The following MKNK1 variants were observed in gnomAD, a reference collection of about 807,000 sequenced individuals.
The protein encoded by MKNK1 is MAP kinase-interacting serine/threonine-protein kinase 1.
Under a neutral mutation model 49.3 loss-of-function variants are expected in MKNK1, and 30 were observed. That is an observed-to-expected ratio of 0.61 (90% CI 0.46 to 0.83). The LOEUF (loss-of-function observed/expected upper bound fraction) is 0.83. Ranked by LOEUF, MKNK1 falls within the 40% of genes least tolerant of loss-of-function variation. The pLI is 0.00. For missense variants in MKNK1, 423 were observed against 524.7 expected (o/e 0.81, Z 1.89); for synonymous variants, 176 against 201.7 (o/e 0.87, Z 1.08).
rs116999149 is a variant in MKNK1 at position 46,559,338 on chromosome 1, C to T, written c.1014-538G>A. 1.2e-3 allele frequency among the ~76,000 whole-genome samples: 190 copies of T among 152,340 alleles called. 2 individuals are homozygous for T. The East Asian group carries it at 0.029, about 23-fold the overall frequency. On this transcript the variant is annotated intron_variant, in intron 12 of 12. Transcript: ENST00000371945. ...GGTAGGAACCCAAATTGGGCAATAG[C>T]AACTGGGTCACACGAATTGCGATTA... is the stretch of plus-strand genomic sequence containing the variant.
chr1:46,604,246 G>C lies in MKNK1; in HGVS notation c.-232C>G, dbSNP rs1210979763. ...CCCTACCTGCAGATCGCTCCTCCGA[G>C]AACGCGGAAGAGGCGGTGCTAGATC... On this transcript the variant is annotated 5_prime_UTR_variant, in exon 1 of 13. Coordinates refer to ENST00000371945, the MANE Select transcript of MKNK1 (RefSeq NM_001135553.4). 6.6e-6 allele frequency: 1 copy of C among 152,254 alleles called. No homozygotes were observed. The highest frequency in any genetic ancestry group is 1.5e-5 in the Non-Finnish European group (1 of 68,058). 9.4% of individuals were successfully genotyped at this position (152,254 alleles called of 1,614,324 possible).
At chr1:46,561,800 C>T in intron 10 of MKNK1, 158 bp from the exon 11 acceptor site, 3 of 732,312 alleles carry the variant, frequency 4.1e-6, no homozygotes, top group Non-Finnish European at 6.6e-6. Context: ...ACTCACCCCG[C>T]ACTGTCCCCT....
At chr1:46,565,316 T>G in intron 8 of MKNK1, 180 bp from the exon 9 acceptor site, 1 of 619,534 alleles carries the variant, frequency 1.6e-6, no homozygotes, top group Non-Finnish European at 2.9e-6. Context: ...CCAAGTGTCT[T>G]ATTCCCTGAG....
chr1:46,584,314 T>C (rs1672181515), intron 2 of MKNK1, among the ~76,000 whole-genome samples: 1 of 152,154 alleles, frequency 6.6e-6, no homozygotes, highest in Non-Finnish European at 1.5e-5. Context: ...TTTAATACTC[T>C]TTGCCTGCAG....
intron 1 of MKNK1, among the ~76,000 whole-genome samples, chr1:46,602,829 C>A (rs1450914842): frequency 6.6e-6 from 1 of 152,124 alleles, no homozygotes; most frequent in Non-Finnish European, 1.5e-5. Context: ...CACAAGGGCA[C>A]CCATGAAGAG....
intron 5 of MKNK1, chr1:46,575,928 A>G (rs951370139): frequency 1.3e-5 from 2 of 151,648 alleles, no homozygotes; most frequent in African/African-American, 4.9e-5. Context: ...CCGTCCTCCA[A>G]TCCTCCAAGC....
intron 1 of MKNK1, among the ~76,000 whole-genome samples, chr1:46,595,410 C>G (rs1047777493): frequency 6.6e-6 from 1 of 151,974 alleles, no homozygotes; most frequent in African/African-American, 2.4e-5. Context: ...TTGTGCCCAA[C>G]CCCCACCCAC....
intron 1 of MKNK1, among the ~76,000 whole-genome samples, chr1:46,594,618 G>A (rs1673808396): frequency 6.6e-6 from 1 of 152,180 alleles, no homozygotes; most frequent in African/African-American, 2.4e-5. Flanking sequence ...TTTCCATTAT[G>A]GGATTCCAGA....
chr1:46,572,164 G>A lies in MKNK1; in HGVS notation c.356C>T (p.Ser119Phe). ...YLVFEKLQGG[S>F]ILAHIQKQKH... ...TTGCTTCTGGATGTGGGCTAAGATG[G>A]AACCTGGGGAGCAGAGGGGACATAG... The change falls in exon 7 of 13, where the codon TCC becomes TTC. Residue 119 changes from serine (S) to phenylalanine (F), a missense_variant. Coordinates refer to ENST00000371945, the MANE Select transcript of MKNK1 (RefSeq NM_001135553.4). 1.9e-6 allele frequency: 3 copies of A among 1,613,900 alleles called. No individual in the cohort carries two copies. Among genetic ancestry groups the A allele is most frequent in the Non-Finnish European group, 2.5e-6 (3 of 1,179,834 alleles).
intron 3 of MKNK1, chr1:46,582,693 T>C: frequency 2.8e-6 from 1 of 356,828 alleles, no homozygotes. Flanking sequence ...ACACAGAGAG[T>C]GTCAAAAAAT....
At chr1:46,575,137 C>T (rs1570168909) in intron 5 of MKNK1, 117 bp from the exon 6 acceptor site, 1 of 648,850 alleles carries the variant, frequency 1.5e-6, no homozygotes. Flanking sequence ...GGGCAGAAAC[C>T]AACTTGAAAT....
chr1:46,561,355 G>A (rs1213250834), intron 11 of MKNK1, 123 bp downstream of exon 11: 8 of 1,100,462 alleles, frequency 7.3e-6, no homozygotes, highest in Non-Finnish European at 7.6e-6. Context: ...AGGGATAGAC[G>A]CTGTCCTCTT....
intron 2 of MKNK1, chr1:46,584,366 C>G (rs1401189988): frequency 6.6e-6 from 1 of 152,214 alleles, no homozygotes; most frequent in African/African-American, 2.4e-5. Flanking sequence ...GGGTCTAAAT[C>G]CCCACCAGCG....
At chr1:46,599,751 C>T (rs941216480) in intron 1 of MKNK1, among the ~76,000 whole-genome samples, 2 of 152,206 alleles carry the variant, frequency 1.3e-5, no homozygotes, top group South Asian at 2.1e-4. Flanking sequence ...ATCTATCTAA[C>T]CTTGGGGAAG....
chr1:46,583,179 CA>C (rs776539351), intron 3 of MKNK1, 48 bp downstream of exon 3: 1 of 1,469,704 alleles, frequency 6.8e-7, no homozygotes, highest in Non-Finnish European at 9.5e-7. Flanking sequence ...ATGCTCCTCC[CA>C]TGCTTGGGAA....
chr1:46,564,352 G>C (rs980197889), intron 9 of MKNK1, among the ~76,000 whole-genome samples: 3 of 151,964 alleles, frequency 2.0e-5, no homozygotes, highest in African/African-American at 7.3e-5. Flanking sequence ...CTTCAGCAGT[G>C]GGAATAGGAC....
intron 9 of MKNK1, among the ~76,000 whole-genome samples, chr1:46,564,267 C>T (rs1331654716): frequency 6.6e-6 from 1 of 151,700 alleles, no homozygotes; most frequent in Admixed American, 6.6e-5. Context: ...TCACAGTTCC[C>T]ACCACAGAGA....
intron 2 of MKNK1, chr1:46,593,900 T>A: frequency 2.6e-6 from 1 of 389,160 alleles, no homozygotes; most frequent in Non-Finnish European, 4.6e-6. Context: ...TTTAGTTACA[T>A]GTTTTCCTTA....
intron 9 of MKNK1, 110 bp from the exon 10 acceptor site, chr1:46,562,953 G>T: frequency 1.1e-6 from 1 of 942,412 alleles, no homozygotes; most frequent in Non-Finnish European, 1.6e-6. Context: ...GCAGGAGGCT[G>T]GAAGGATGAG....
Sources: gnomAD v4.1 joint callset for allele counts (sites outside exome capture counted in the v4.1 genomes callset) on GRCh38, gnomAD v4.1.1 for gene constraint, MANE v1.5 for transcripts, NCBI Gene and HGNC (gene_info 2026-07-23, HGNC 2026-07-21) for gene names.